The following CDH12 variants were observed in gnomAD, a reference collection of about 807,000 sequenced individuals.
CDH12 encodes cadherin-12.
A neutral mutation model predicts 74.1 loss-of-function variants in CDH12; 41 were observed. The observed-to-expected ratio is 0.55, with a 90% CI of 0.43 to 0.72. The LOEUF (loss-of-function observed/expected upper bound fraction) is 0.72, where lower values mean the gene tolerates loss of function less well. Among genes scored for constraint, CDH12 ranks in the 30% least tolerant of loss-of-function variants. The pLI, the probability that CDH12 is intolerant of heterozygous loss-of-function variation, is 0.00. For missense variants in CDH12, 945 were observed against 977.2 expected, an observed-to-expected ratio of 0.97 and a Z score of 0.44; for synonymous variants, 399 against 355.0, an observed-to-expected ratio of 1.12 and a Z score of -1.39.
intron 1 of CDH12, among the ~76,000 whole-genome samples, chr5:22,843,613 GGTGTGTGTGTGTGT>G (rs3050972): frequency 7.0e-4 from 104 of 147,890 alleles, no homozygotes; most frequent in Admixed American, 2.6e-3. Context: ...TAACATTTGT[GGTGTGTGTGTGTGT>G]GTGTGTGTGT....
chr5:21,855,055 T>A (rs182863623), intron 6 of CDH12, among the ~76,000 whole-genome samples: 1 of 151,850 alleles, frequency 6.6e-6, no homozygotes, highest in Admixed American at 6.6e-5. Context: ...GTCATCATGA[T>A]ACCTTTATTG....
intron 6 of CDH12, among the ~76,000 whole-genome samples, chr5:21,887,765 T>C (rs76398723): frequency 0.03 from 4,636 of 152,216 alleles, 199 homozygotes; most frequent in African/African-American, 0.092. Flanking sequence ...GAAGAATCAC[T>C]ACCAGGTTGC....
intron 1 of CDH12, among the ~76,000 whole-genome samples, chr5:22,647,980 C>G (rs1185071914): frequency 2.0e-5 from 3 of 151,756 alleles, no homozygotes; most frequent in African/African-American, 7.3e-5. Context: ...ATTGCAATAT[C>G]TTATTAATCA....
At chr5:22,044,891 A>T (rs1228784080) in intron 5 of CDH12, among the ~76,000 whole-genome samples, 1 of 152,310 alleles carries the variant, frequency 6.6e-6, no homozygotes, top group African/African-American at 2.4e-5. Flanking sequence ...ATCAGCAAGG[A>T]TTTTTTGGAT....
intron 6 of CDH12, among the ~76,000 whole-genome samples, chr5:21,938,947 A>G (rs1312857301): frequency 6.6e-6 from 1 of 150,576 alleles, no homozygotes; most frequent in African/African-American, 2.4e-5. Flanking sequence ...ATACAAAAAT[A>G]CTTTTATTGT....
intron 6 of CDH12, among the ~76,000 whole-genome samples, chr5:21,963,922 C>T (rs1219185439): frequency 6.6e-6 from 1 of 152,002 alleles, no homozygotes; most frequent in African/African-American, 2.4e-5. Context: ...TTCCTAGTTT[C>T]TATTCAAGTA....
At chr5:21,922,765 T>C (rs1237037538) in intron 6 of CDH12, among the ~76,000 whole-genome samples, 1 of 152,096 alleles carries the variant, frequency 6.6e-6, no homozygotes, top group African/African-American at 2.4e-5. Flanking sequence ...CCCGAGAGAC[T>C]AAGATATAGA....
chr5:22,750,015 A>G (rs1745484846), intron 1 of CDH12, among the ~76,000 whole-genome samples: 1 of 152,208 alleles, frequency 6.6e-6, no homozygotes, highest in African/African-American at 2.4e-5. Flanking sequence ...AGTCTTGGAC[A>G]TATGGCTCTG....
chr5:22,559,382 AAAC>A (rs1428599881), intron 1 of CDH12, among the ~76,000 whole-genome samples: 9 of 152,150 alleles, frequency 5.9e-5, no homozygotes, highest in Admixed American at 5.9e-4. Context: ...AGTTAAAATC[AAAC>A]AACAAAAGAG....
chr5:21,995,402 C>A (rs1736224756), intron 5 of CDH12, among the ~76,000 whole-genome samples: 1 of 151,804 alleles, frequency 6.6e-6, no homozygotes, highest in African/African-American at 2.4e-5. Context: ...GTATAGGCCT[C>A]TTTTTCTGCC....
chr5:22,554,609 A>G (rs1433503110), intron 1 of CDH12, among the ~76,000 whole-genome samples: 1 of 151,884 alleles, frequency 6.6e-6, no homozygotes, highest in Non-Finnish European at 1.5e-5. Flanking sequence ...ACTACTGGTG[A>G]GTGGACATCC....
Position 21,842,165 on chromosome 5 carries a change from G to A in CDH12, c.810C>T (p.Pro270=). The change falls in exon 8 of 15, where the codon CCC becomes CCT. Residue 270 remains proline (P), a synonymous_variant. Coordinates refer to ENST00000382254, the MANE Select transcript of CDH12 (RefSeq NM_004061.5). ...TDVNDNPPRF[P]KSIFHLKVPE... ...TTAACAGGAAAGGTGACATACTTTT[G>A]GGGAATCGAGGTGGATTGTCATTGA... The A allele has an allele frequency of 6.2e-7, 1 of 1,606,666 alleles. No homozygotes were observed. The highest frequency in any genetic ancestry group is 2.2e-5 in the East Asian group (1 of 44,636).
chr5:22,691,229 T>C (rs1742067404), intron 1 of CDH12, among the ~76,000 whole-genome samples: 1 of 152,192 alleles, frequency 6.6e-6, no homozygotes, highest in African/African-American at 2.4e-5. Context: ...TGTGCTTCAA[T>C]TGGGCATTCC....
At chr5:22,732,690 C>A (rs1222565349) in intron 1 of CDH12, among the ~76,000 whole-genome samples, 1 of 151,674 alleles carries the variant, frequency 6.6e-6, no homozygotes, top group Non-Finnish European at 1.5e-5. Flanking sequence ...ATGCAGAGAT[C>A]AAAGTTGTAC....
At chr5:22,358,938 C>T (rs1373997954) in intron 3 of CDH12, among the ~76,000 whole-genome samples, 1 of 151,998 alleles carries the variant, frequency 6.6e-6, no homozygotes, top group Non-Finnish European at 1.5e-5. Flanking sequence ...TATATTTTTA[C>T]CTAGAAGATA....
chr5:22,568,713 A>C (rs1256499580), intron 1 of CDH12, among the ~76,000 whole-genome samples: 1 of 152,246 alleles, frequency 6.6e-6, no homozygotes, highest in African/African-American at 2.4e-5. Context: ...TTGGTTCCAG[A>C]CCATAAGAAT....
At chr5:21,907,366 T>G (rs778257475) in intron 6 of CDH12, among the ~76,000 whole-genome samples, 4 of 152,078 alleles carry the variant, frequency 2.6e-5, no homozygotes, top group Non-Finnish European at 5.9e-5. Context: ...TCACTAACCT[T>G]AAGAGCAGTG....
chr5:22,730,467 G>T (rs1378770440), intron 1 of CDH12, among the ~76,000 whole-genome samples: 1 of 151,796 alleles, frequency 6.6e-6, no homozygotes, highest in African/African-American at 2.4e-5. Context: ...GAGTCCTAGA[G>T]CTACATATTC....
intron 1 of CDH12, among the ~76,000 whole-genome samples, chr5:22,633,822 T>C (rs1030195936): frequency 6.6e-6 from 1 of 152,192 alleles, no homozygotes; most frequent in South Asian, 2.1e-4. Flanking sequence ...TACAATTGCA[T>C]GAACCAATAG....
Sources: gnomAD v4.1 joint callset for allele counts (sites outside exome capture counted in the v4.1 genomes callset) on GRCh38, gnomAD v4.1.1 for gene constraint, MANE v1.5 for transcripts, NCBI Gene and HGNC (gene_info 2026-07-23, HGNC 2026-07-21) for gene names.